ZNF19: variants seen among roughly 807,000 people sequenced by gnomAD.
The protein encoded by ZNF19 is zinc finger protein 19 (KOX 12).
A neutral mutation model predicts 13.1 loss-of-function variants in ZNF19; 11 were observed. That is an observed-to-expected ratio of 0.84 (90% CI 0.53 to 1.39). ZNF19 has a LOEUF of 1.39. Among genes scored for constraint, ZNF19 ranks in the 40% most tolerant of loss-of-function variants. The probability of loss-of-function intolerance (pLI) is 0.00; values close to 1 mark genes in which losing one functional copy is unlikely to be tolerated. For synonymous variants in ZNF19, 186 were observed against 187.0 expected, an observed-to-expected ratio of 0.99 and a Z score of 0.04; for missense variants, 560 against 547.0, an observed-to-expected ratio of 1.02 and a Z score of -0.24.
At position 71,482,713 on chromosome 16, in the gene ZNF19, T is replaced by C. The variant is rs185701965; in HGVS notation, c.-29-570A>G. Among the ~76,000 whole-genome samples the C allele has an allele frequency of 3.3e-5, 5 of 152,200 alleles. No individual in the cohort carries two copies. In the East Asian group the frequency reaches 9.6e-4, roughly 29 times the overall value. ...AAGGTCATGTTTTTGTCTGTTTGTT[T>C]GTTTGTTGAGACAAGAATCTCACTG... On this transcript the variant is annotated intron_variant, in intron 2 of 5. Coordinates refer to ENST00000288177, the MANE Select transcript of ZNF19 (RefSeq NM_006961.4).
intron 1 of ZNF19, among the ~76,000 whole-genome samples, chr16:71,487,876 T>C (rs1223245242): frequency 6.6e-6 from 1 of 152,242 alleles, no homozygotes; most frequent in Non-Finnish European, 1.5e-5. Context: ...AGCTAAATAT[T>C]GTGCTGCAGT....
In ZNF19 at chr16:71,475,399, G is replaced by A; in HGVS notation, c.1148C>T (p.Ser383Phe). ...TCCACACTCATCACATACATAGGAAGACTCCTGAGTATGAATTCTCAGATG... is the reference window on the plus strand; with the variant it reads ...TCCACACTCATCACATACATAGGAAAACTCCTGAGTATGAATTCTCAGATG... ...KRHLRIHTQE[S>F]SYVCDECGKA... Residue 383 changes from serine to phenylalanine, a missense_variant, in exon 6 of 6, where the codon TCT becomes TTT. Coordinates refer to ENST00000288177, the MANE Select transcript of ZNF19 (RefSeq NM_006961.4). 1 of 1,613,878 alleles carries A rather than the reference G, an allele frequency of 6.2e-7. No homozygotes were observed. The highest frequency in any genetic ancestry group is 1.1e-5 in the South Asian group (1 of 91,058).
chr16:71,475,237 C>G lies in ZNF19; in HGVS notation c.1310G>C (p.Gly437Ala). ...ACAAATGTCCAGCACAGGCTTCTCT[C>G]CAGAGTAGACATGCTCAAGGTGACC... ...QLGHLEHVYS[G>A]EKPVLDICRF... Residue 437 changes from glycine (G) to alanine (A), a missense_variant, in exon 6 of 6, where the codon GGA becomes GCA. Coordinates refer to ENST00000288177, the MANE Select transcript of ZNF19 (RefSeq NM_006961.4). The G allele has an allele frequency of 6.2e-7, 1 of 1,614,114 alleles. No individual in the cohort carries two copies. The highest frequency in any genetic ancestry group is 2.2e-5 in the East Asian group (1 of 44,890).
intron 4 of ZNF19, chr16:71,478,601 T>C (rs2043617070): frequency 3.0e-6 from 2 of 668,246 alleles, no homozygotes; most frequent in East Asian, 5.5e-5. Flanking sequence ...AGACAACAAC[T>C]ACTACTTATT....
intron 5 of ZNF19, among the ~76,000 whole-genome samples, chr16:71,477,520 C>T (rs1213417254): frequency 6.6e-6 from 1 of 152,136 alleles, no homozygotes; most frequent in African/African-American, 2.4e-5. Flanking sequence ...TCTTCCTTCT[C>T]TCACTGAAAT....
chr16:71,477,335 A>T (rs1425456071), intron 5 of ZNF19, among the ~76,000 whole-genome samples: 1 of 152,188 alleles, frequency 6.6e-6, no homozygotes, highest in African/African-American at 2.4e-5. Flanking sequence ...CAGGTTCTCA[A>T]TTGTCTTGAT....
Position 71,475,908 on chromosome 16 carries a change from T to A in ZNF19, c.639A>T (p.Gly213=). ...SLIRHQRIHT[G]ERPYQCEECG... is the part of the protein sequence containing the mutation. Reference sequence around the variant, plus strand: ...ACTCCTCACACTGATAGGGTCTCTCTCCAGTGTGAATCCTCTGGTGCCGAA... The same window carrying A: ...ACTCCTCACACTGATAGGGTCTCTCACCAGTGTGAATCCTCTGGTGCCGAA... Residue 213 remains glycine, a synonymous_variant, in exon 6 of 6, where the codon GGA becomes GGT. Transcript: ENST00000288177. 1.2e-6 allele frequency: 2 copies of A among 1,612,954 alleles called. No homozygotes were observed. Among genetic ancestry groups the A allele is most frequent in the South Asian group, 2.2e-5 (2 of 91,002 alleles).
intron 2 of ZNF19, among the ~76,000 whole-genome samples, chr16:71,482,741 A>T (rs1321355865): frequency 6.6e-6 from 1 of 152,042 alleles, no homozygotes; most frequent in Non-Finnish European, 1.5e-5. Flanking sequence ...TCTCACTGTC[A>T]CCTGGGCTGG....
At chr16:71,479,072 G>T (rs571534620) in intron 3 of ZNF19, 67 bp from the exon 4 acceptor site, 1 of 1,612,266 alleles carries the variant, frequency 6.2e-7, no homozygotes, top group South Asian at 1.1e-5. Context: ...GTGGGGCAGA[G>T]GGGACAGGTA....
intron 5 of ZNF19, among the ~76,000 whole-genome samples, chr16:71,476,750 T>C (rs1230813842): frequency 7.9e-5 from 12 of 152,202 alleles, no homozygotes; most frequent in African/African-American, 2.7e-4. Flanking sequence ...CTTAAGACAC[T>C]GAACATTACA....
rs764989543 is a variant in ZNF19 at position 71,475,285 on chromosome 16, G to A, written c.1262C>T (p.Ala421Val). 6.2e-7 allele frequency: 1 copy of A among 1,614,170 alleles called. No homozygotes were observed. Among genetic ancestry groups the A allele is most frequent in the Admixed American group, 1.7e-5 (1 of 60,026 alleles). ...KPYECSKYEK[A>V]FGTSSQLGHL... The stretch of plus-strand genomic sequence containing the variant: ...ACCTAGCTGGGAAGAAGTCCCAAAG[G>A]CCTTCTCATACTTGCTACACTCATA... The change falls in exon 6 of 6, where the codon GCC becomes GTC. Residue 421 changes from alanine to valine, a missense_variant. Transcript: ENST00000288177.
At chr16:71,479,779 G>A (rs1044852964) in intron 3 of ZNF19, among the ~76,000 whole-genome samples, 1 of 151,160 alleles carries the variant, frequency 6.6e-6, no homozygotes, top group Non-Finnish European at 1.5e-5. Flanking sequence ...TCTTTCTTTC[G>A]GTTTTGGTTC....
In ZNF19 at chr16:71,489,304, G is replaced by C. The variant is rs1196087744; in HGVS notation, c.-222C>G. The C allele has an allele frequency of 2.0e-6, 2 of 985,398 alleles. No homozygotes were observed. The highest frequency in any genetic ancestry group is 5.2e-4 in the Middle Eastern group (1 of 1,938). The allele number at this position is 985,398 out of a possible 1,614,324, so 61.0% of individuals were successfully genotyped here. On this transcript the variant is annotated 5_prime_UTR_variant, in exon 1 of 6. Coordinates refer to ENST00000288177, the MANE Select transcript of ZNF19 (RefSeq NM_006961.4). ...CGCGGACTCAAAACAGGCCAGAAGCGCACCGCTAGCGAGAACGGTTAGGAG... is the reference window on the plus strand; with the variant it reads ...CGCGGACTCAAAACAGGCCAGAAGCCCACCGCTAGCGAGAACGGTTAGGAG...
rs2043585137 is a variant in ZNF19, at chr16:71,474,265, T to C, written c.*905A>G. Reference sequence around the variant, plus strand: ...CAAGGGCAAAGCGGGCGTGCTGTCCTAGGAATTAAAATGGCAAATACCAAG... The same window carrying C: ...CAAGGGCAAAGCGGGCGTGCTGTCCCAGGAATTAAAATGGCAAATACCAAG... On this transcript the variant is annotated 3_prime_UTR_variant, in exon 6 of 6. Transcript: ENST00000288177. 1 of 152,254 alleles carries C rather than the reference T, an allele frequency of 6.6e-6. No individual in the cohort carries two copies. The highest frequency in any genetic ancestry group is 1.5e-5 in the Non-Finnish European group (1 of 68,046). 9.4% of individuals were successfully genotyped at this position (152,254 alleles called of 1,614,324 possible).
At chr16:71,482,262 G>T in intron 2 of ZNF19, 119 bp from the exon 3 acceptor site, 1 of 829,252 alleles carries the variant, frequency 1.2e-6, no homozygotes, top group Non-Finnish European at 2.0e-6. Flanking sequence ...CTGGGTTAGT[G>T]GTGCATAAAT....
intron 1 of ZNF19, 124 bp downstream of exon 1, chr16:71,489,148 A>G (rs3813743): frequency 0.7 from 501,918 of 718,532 alleles, 177,244 homozygotes; most frequent in African/African-American, 0.84. Context: ...CCCGGCCACA[A>G]TTGTATAGTG....
At chr16:71,485,473 A>G (rs2043671474) in intron 1 of ZNF19, among the ~76,000 whole-genome samples, 1 of 145,760 alleles carries the variant, frequency 6.9e-6, no homozygotes, top group Non-Finnish European at 1.5e-5. Flanking sequence ...AACCAAAAAA[A>G]CAAAAAAAAA....
chr16:71,473,871 C>G lies in ZNF19; in HGVS notation c.*1299G>C, dbSNP rs2043582734. On this transcript the variant is annotated 3_prime_UTR_variant, in exon 6 of 6. Coordinates refer to ENST00000288177, the MANE Select transcript of ZNF19 (RefSeq NM_006961.4). ...GTACTGGGATTACAAGTGTGAGCCA[C>G]CGCGCCTGGCTGACTCATGCATTTT... The G allele has an allele frequency of 6.6e-6, 1 of 152,250 alleles. No individual in the cohort carries two copies. The highest frequency in any genetic ancestry group is 2.4e-5 in the African/African-American group (1 of 41,462). 9.4% of individuals were successfully genotyped at this position (152,250 alleles called of 1,614,324 possible). A position where few individuals can be genotyped will look rare whatever the true frequency, so the allele number is the denominator to read the frequency against.
At chr16:71,487,884 A>C (rs1197881373) in intron 1 of ZNF19, among the ~76,000 whole-genome samples, 1 of 152,248 alleles carries the variant, frequency 6.6e-6, no homozygotes, top group Non-Finnish European at 1.5e-5. Flanking sequence ...ATTGTGCTGC[A>C]GTATCTATAC....
Sources: allele counts gnomAD v4.1 joint callset (sites outside exome capture counted in the v4.1 genomes callset), GRCh38; gene constraint gnomAD v4.1.1; transcripts MANE v1.5; gene names NCBI Gene and HGNC (gene_info 2026-07-23, HGNC 2026-07-21).